The following RPS6KA5 variants were observed in gnomAD, a reference collection of about 807,000 sequenced individuals.
RPS6KA5 encodes the protein ribosomal protein S6 kinase alpha-5.
In RPS6KA5, 27 loss-of-function variants were observed where a neutral mutation model predicts 85.5. The observed-to-expected ratio is 0.32, with a 90% CI of 0.23 to 0.44. The LOEUF (loss-of-function observed/expected upper bound fraction) is 0.44, where lower values mean the gene tolerates loss of function less well. Among genes scored for constraint, RPS6KA5 ranks in the 20% least tolerant of loss-of-function variants. The pLI, the probability that RPS6KA5 is intolerant of heterozygous loss-of-function variation, is 1.00. For missense variants in RPS6KA5, 811 were observed against 980.9 expected (o/e 0.83, Z 2.31); for synonymous variants, 334 against 348.2 (o/e 0.96, Z 0.46).
intron 5 of RPS6KA5, among the ~76,000 whole-genome samples, chr14:90,932,284 C>T (rs1333098558): frequency 3.3e-5 from 5 of 152,002 alleles, no homozygotes; most frequent in Admixed American, 2.6e-4. Flanking sequence ...CCACCATGCT[C>T]GGCTAATTTT....
intron 8 of RPS6KA5, among the ~76,000 whole-genome samples, chr14:90,903,893 T>C (rs1304748896): frequency 1.3e-5 from 2 of 152,044 alleles, no homozygotes; most frequent in East Asian, 3.8e-4. Context: ...CAGTAAAATA[T>C]GAAAATGTGC....
rs771901541 is a variant in RPS6KA5, at chr14:90,872,186, G to T, written c.2297C>A (p.Ser766Tyr). ...AGTTTTACCGTGAGAATGAGAGGAA[G>T]AAGAATGGGAACTCTCACTGGAACT... ...RSSSSESSHSSSSHSHGKTTP... is the reference protein window; with the variant it reads ...RSSSSESSHSYSSHSHGKTTP... The change falls in exon 17 of 17, where the codon TCT (serine) becomes TAT (tyrosine). Residue 766 changes from serine to tyrosine, a missense_variant. By Grantham distance (144) the Ser-to-Tyr change is moderately radical (BLOSUM62 -2). Around this residue, in one of 3 missense-constraint regions of RPS6KA5, gnomAD observed 650 missense variants for 793.4 expected, o/e 0.82. Coordinates refer to ENST00000614987, the MANE Select transcript of RPS6KA5 (RefSeq NM_004755.4). 6.2e-7 allele frequency: 1 copy of T among 1,613,930 alleles called. No homozygotes were observed. The highest frequency in any genetic ancestry group is 1.1e-5 in the South Asian group (1 of 91,036).
rs2032676662 is a variant in RPS6KA5 at position 90,863,624 on chromosome 14, A to G, written c.*8450T>C. ...GAAAGGGTAATATACCAAAAAAACT[A>G]TATTTCTATAAACTAATTAAAAACA... is the stretch of plus-strand genomic sequence containing the variant. On this transcript the variant is annotated 3_prime_UTR_variant, in exon 17 of 17. Transcript: ENST00000614987. 6.6e-6 allele frequency: 1 copy of G among 152,094 alleles called. No individual in the cohort carries two copies. The highest frequency in any genetic ancestry group is 1.5e-5 in the Non-Finnish European group (1 of 68,024). 9.4% of individuals were successfully genotyped at this position (152,094 alleles called of 1,614,324 possible).
chr14:90,980,053 C>T (rs544255899), intron 2 of RPS6KA5, among the ~76,000 whole-genome samples: 17 of 152,234 alleles, frequency 1.1e-4, no homozygotes, highest in African/African-American at 3.4e-4. Context: ...ATTAGCTCAT[C>T]GGAAATCCAA....
rs35688812 is a variant in RPS6KA5 at position 90,862,345 on chromosome 14, CT to C, written c.*9728del. ...AGAAAAAAAGGGAACACATCTCCAA[CT>C]TTTTTTTTATGAGGCCAGAATAATC... On this transcript the variant is annotated 3_prime_UTR_variant, in exon 17 of 17. Coordinates refer to ENST00000614987, the MANE Select transcript of RPS6KA5 (RefSeq NM_004755.4). The C allele has an allele frequency of 0.61, 93,101 of 151,666 alleles. 28,856 individuals are homozygous for C. Among genetic ancestry groups the C allele is most frequent in the African/African-American group, 0.71 (29,223 of 41,364 alleles). 9.4% of individuals were successfully genotyped at this position (151,666 alleles called of 1,614,324 possible).
intron 7 of RPS6KA5, among the ~76,000 whole-genome samples, chr14:90,912,744 A>G (rs1180878458): frequency 1.3e-5 from 2 of 152,026 alleles, no homozygotes; most frequent in African/African-American, 4.8e-5. Context: ...CAGGTCATTA[A>G]TAATAATAAA....
At chr14:90,903,847 T>C (rs1348240794) in intron 8 of RPS6KA5, among the ~76,000 whole-genome samples, 2 of 152,186 alleles carry the variant, frequency 1.3e-5, no homozygotes, top group Non-Finnish European at 2.9e-5. Flanking sequence ...GAATATAAGA[T>C]GATGGCCACT....
At chr14:90,889,664 A>T (rs545269750) in intron 14 of RPS6KA5, among the ~76,000 whole-genome samples, 1 of 152,346 alleles carries the variant, frequency 6.6e-6, no homozygotes, top group East Asian at 1.9e-4. Context: ...TAGTAAATAA[A>T]TGGTTACATA....
chr14:91,060,421 C>A lies in RPS6KA5; in HGVS notation c.14G>T (p.Gly5Val). 6.7e-7 allele frequency: 1 copy of A among 1,496,656 alleles called. No individual in the cohort carries two copies. The highest frequency in any genetic ancestry group is 9.0e-7 in the Non-Finnish European group (1 of 1,115,384). The allele number at this position is 1,496,656 out of a possible 1,614,324, so 92.7% of individuals were successfully genotyped here. A position where few individuals can be genotyped will look rare whatever the true frequency, so the allele number is the denominator to read the frequency against. The change falls in exon 1 of 17, where the codon GGT (glycine) becomes GTT (valine). Residue 5 changes from glycine to valine, a missense_variant. By Grantham distance (109) the Gly-to-Val change is moderately radical. Coordinates refer to ENST00000614987, the MANE Select transcript of RPS6KA5 (RefSeq NM_004755.4). ...CCCCGCGGCGCCGCCGCTGCTGCCA[C>A]CCTCCTCCTCCATCTTCTCCTTTTT... MEEE[G>V]GSSGGAAGTS...
intron 2 of RPS6KA5, among the ~76,000 whole-genome samples, chr14:90,997,076 A>C (rs1174937194): frequency 6.6e-6 from 1 of 152,192 alleles, no homozygotes; most frequent in African/African-American, 2.4e-5. Context: ...TAAGCATATA[A>C]TATTTTTCTA....
At chr14:91,027,302 T>C (rs1178082629) in intron 1 of RPS6KA5, among the ~76,000 whole-genome samples, 1 of 152,176 alleles carries the variant, frequency 6.6e-6, no homozygotes, top group East Asian at 1.9e-4. Context: ...AAGGTAGGGG[T>C]CCAGTTTCAT....
chr14:90,978,762 CT>C (rs1437104901), intron 2 of RPS6KA5, among the ~76,000 whole-genome samples: 1 of 152,118 alleles, frequency 6.6e-6, no homozygotes, highest in Non-Finnish European at 1.5e-5. Context: ...TGCTTTTACT[CT>C]TTTACTGTTA....
chr14:90,936,343 G>C (rs1371771099), intron 5 of RPS6KA5, among the ~76,000 whole-genome samples: 1 of 152,114 alleles, frequency 6.6e-6, no homozygotes, highest in Non-Finnish European at 1.5e-5. Context: ...AAGGCAGGTG[G>C]ATTTTTTGAG....
At chr14:90,894,136 C>T in intron 13 of RPS6KA5, 1 of 1,062,956 alleles carries the variant, frequency 9.4e-7, no homozygotes, top group Middle Eastern at 4.2e-4. Flanking sequence ...TATTTTTAGT[C>T]CACAACTGTT....
intron 1 of RPS6KA5, among the ~76,000 whole-genome samples, chr14:91,044,481 G>C (rs2042784623): frequency 1.3e-5 from 2 of 152,208 alleles, no homozygotes; most frequent in Admixed American, 6.5e-5. Context: ...AATTACATGA[G>C]TCCCTTTAAA....
chr14:91,026,689 G>T (rs576263910), intron 1 of RPS6KA5, among the ~76,000 whole-genome samples: 2 of 152,288 alleles, frequency 1.3e-5, no homozygotes, highest in South Asian at 4.1e-4. Flanking sequence ...AGATCAAATG[G>T]TAGTTCTAAG....
chr14:90,950,310 G>A (rs751949617), intron 3 of RPS6KA5, among the ~76,000 whole-genome samples: 6 of 152,078 alleles, frequency 3.9e-5, no homozygotes, highest in Non-Finnish European at 5.9e-5. Context: ...ATATTAGTTC[G>A]AGTAGTTTCT....
chr14:90,987,470 G>C (rs1202494453), intron 2 of RPS6KA5, among the ~76,000 whole-genome samples: 8 of 151,968 alleles, frequency 5.3e-5, no homozygotes, highest in Non-Finnish European at 1.2e-4. Context: ...TAAATGAAAT[G>C]TGTTACTCTA....
chr14:90,903,108 A>C, intron 8 of RPS6KA5, 139 bp from the exon 9 acceptor site: 5 of 749,956 alleles, frequency 6.7e-6, no homozygotes, highest in Non-Finnish European at 8.5e-6. Flanking sequence ...CAATAATAAA[A>C]AACATATTTT....
Sources: allele counts gnomAD v4.1 joint callset (sites outside exome capture counted in the v4.1 genomes callset), GRCh38; gene constraint gnomAD v4.1.1; regional missense constraint gnomAD v4.1.1; transcripts MANE v1.5; gene names NCBI Gene and HGNC (gene_info 2026-07-23, HGNC 2026-07-21).